Variants in TAF1 observed in about 807,000 individuals in gnomAD.
The protein encoded by TAF1 is TATA-box binding protein associated factor 1.
In TAF1, 2 loss-of-function variants were observed where a neutral mutation model predicts 138.5. The observed-to-expected ratio is 0.01, with a 90% CI of 0.01 to 0.05. The LOEUF is 0.05. Among genes scored for constraint, TAF1 ranks in the 10% least tolerant of loss-of-function variants. TAF1 has a pLI of 1.00. For missense variants in TAF1, 709 were observed against 1,478.0 expected (o/e 0.48, Z 8.53); for synonymous variants, 437 against 503.2 (o/e 0.87, Z 1.76).
chrX:71,453,090 AGAGAGGGAGAGGAGG>A (rs1447448542), intron 32 of TAF1, among the ~76,000 whole-genome samples: 2 of 109,910 alleles, frequency 1.8e-5, no homozygotes, highest in Non-Finnish European at 3.8e-5. Context: ...GACGGGAGAG[AGAGAGGGAGAGGAGG>A]GAGAGGGAGA....
At chrX:71,420,486 C>A in intron 28 of TAF1, 2 of 1,202,688 alleles carry the variant, frequency 1.7e-6, no homozygotes, top group South Asian at 3.5e-5. Context: ...ATAGATGGAA[C>A]GGGCATCGGC....
chrX:71,391,558 AAG>A (rs1367252493), intron 18 of TAF1, among the ~76,000 whole-genome samples: 1 of 110,750 alleles, frequency 9.0e-6, no homozygotes, highest in Non-Finnish European at 1.9e-5. Context: ...AAAATAAAAA[AAG>A]AATTCTGTTG....
chrX:71,491,040 G>GTTGT (rs2039269485), intron 13 of TAF1: 1 of 69,735 alleles, frequency 1.4e-5, no homozygotes, highest in Non-Finnish European at 2.7e-5. Context: ...TGTTGTTGTT[G>GTTGT]TTGTTTTTTT....
intron 34 of TAF1, among the ~76,000 whole-genome samples, chrX:71,456,926 C>T (rs754902577): frequency 4.2e-4 from 46 of 110,488 alleles, no homozygotes; most frequent in African/African-American, 1.5e-3. Context: ...CCTCGGCCTC[C>T]CAAAGTGCTG....
intron 32 of TAF1, among the ~76,000 whole-genome samples, chrX:71,437,374 A>G (rs1357332532): frequency 9.1e-6 from 1 of 110,277 alleles, no homozygotes; most frequent in Admixed American, 9.8e-5. Context: ...CTCATGAATA[A>G]TAAGGGTCTT....
Position 71,382,678 on chromosome X carries a change from A to G in TAF1, c.1665+15A>G. On this transcript the variant is annotated intron_variant, in intron 10 of 37. Coordinates refer to ENST00000423759, the MANE Select transcript of TAF1 (RefSeq NM_004606.5). Reference sequence around the variant, plus strand: ...AACCACAGCAGGTGTGTGAAGAAAAAAGGGGCTTGGTGTTTAGAAGAACAA... The same window carrying G: ...AACCACAGCAGGTGTGTGAAGAAAAGAGGGGCTTGGTGTTTAGAAGAACAA... The G allele has an allele frequency of 8.3e-7, 1 of 1,205,940 alleles. No individual in the cohort carries two copies. The highest frequency in any genetic ancestry group is 1.1e-6 in the Non-Finnish European group (1 of 893,912).
At chrX:71,474,885 A>G (rs1432769110) in intron 13 of TAF1, among the ~76,000 whole-genome samples, 2 of 111,711 alleles carry the variant, frequency 1.8e-5, no homozygotes, top group Non-Finnish European at 3.8e-5. Flanking sequence ...TAGAAGGAAT[A>G]GTAAGATCAA....
chrX:71,463,263 G>A (rs2038626295), intron 37 of TAF1, among the ~76,000 whole-genome samples: 2 of 110,269 alleles, frequency 1.8e-5, no homozygotes, highest in South Asian at 7.9e-4. Context: ...TTTAACCAGT[G>A]AACGTGCATT....
rs771534586 is a variant in TAF1, at chrX:71,444,431, C to T, written c.4754-9739C>T. ...TACTTTTTCAGTCCCTTAATAGTAT[C>T]TTTCAGGCTAGGCACAGTGGCTCAC... On this transcript the variant is annotated intron_variant, in intron 32 of 37. Transcript: ENST00000423759. 5.4e-5 allele frequency among the ~76,000 whole-genome samples: 6 copies of T among 111,864 alleles called. No individual in the cohort carries two copies. In the East Asian group the frequency reaches 1.7e-3, roughly 31 times the overall value.
intron 17 of TAF1, among the ~76,000 whole-genome samples, chrX:71,389,203 A>G (rs113730514): frequency 9.0e-6 from 1 of 111,662 alleles, no homozygotes; most frequent in African/African-American, 3.3e-5. Flanking sequence ...TCAGCCTCTC[A>G]GGTAGGCAGA....
intron 13 of TAF1, among the ~76,000 whole-genome samples, chrX:71,498,628 T>C (rs903190665): frequency 2.7e-5 from 3 of 111,264 alleles, no homozygotes; most frequent in African/African-American, 9.8e-5. Flanking sequence ...TTTTTTGCCC[T>C]TCCGAATTGT....
At chrX:71,497,468 T>C (rs979407329) in intron 13 of TAF1, among the ~76,000 whole-genome samples, 1 of 111,341 alleles carries the variant, frequency 9.0e-6, no homozygotes, top group Non-Finnish European at 1.9e-5. Context: ...GGTGAGATCC[T>C]TTCCTTGTAT....
At chrX:71,458,875 A>G (rs1216326973) in intron 35 of TAF1, among the ~76,000 whole-genome samples, 1 of 111,704 alleles carries the variant, frequency 9.0e-6, no homozygotes, top group African/African-American at 3.2e-5. Context: ...AACACAAGCT[A>G]TAAGGAAAGT....
intron 13 of TAF1, among the ~76,000 whole-genome samples, chrX:71,488,039 G>A (rs1413558672): frequency 9.0e-6 from 1 of 111,208 alleles, no homozygotes; most frequent in Non-Finnish European, 1.9e-5. Context: ...TGATTTTTAA[G>A]CCAGGATCAA....
At chrX:71,422,121 G>GTTTAGTGTTT (rs1001216167) in intron 29 of TAF1, among the ~76,000 whole-genome samples, 2 of 111,944 alleles carry the variant, frequency 1.8e-5, no homozygotes, top group Non-Finnish European at 3.8e-5. Flanking sequence ...CAGTAATAAT[G>GTTTAGTGTTT]TTTAGTGTTT....
chrX:71,482,548 TGTA>T (rs1192466277), intron 13 of TAF1, among the ~76,000 whole-genome samples: 2 of 112,558 alleles, frequency 1.8e-5, no homozygotes, highest in African/African-American at 3.2e-5. Context: ...TACACTATAT[TGTA>T]GTCTATTAAA....
intron 28 of TAF1, chrX:71,420,046 T>C: frequency 3.0e-6 from 1 of 338,842 alleles, no homozygotes; most frequent in Non-Finnish European, 5.3e-6. Context: ...CCTTCTGTCC[T>C]CTTTTTTTCT....
At chrX:71,520,479 A>G (rs2039912429) in intron 13 of TAF1, among the ~76,000 whole-genome samples, 1 of 104,838 alleles carries the variant, frequency 9.5e-6, no homozygotes, top group African/African-American at 3.5e-5. Context: ...TCAGGAGTTC[A>G]AGACCAGCCT....
At chrX:71,421,797 C>G (rs1245369541) in intron 29 of TAF1, among the ~76,000 whole-genome samples, 3 of 112,143 alleles carry the variant, frequency 2.7e-5, no homozygotes, top group African/African-American at 9.7e-5. Context: ...GATAATCTAT[C>G]TATATTCCCT....
Sources: gnomAD v4.1 joint callset for allele counts (sites outside exome capture counted in the v4.1 genomes callset) on GRCh38, gnomAD v4.1.1 for gene constraint, MANE v1.5 for transcripts, NCBI Gene and HGNC (gene_info 2026-07-23, HGNC 2026-07-21) for gene names.